Variants in ERI1 observed in about 807,000 individuals in gnomAD.
ERI1 encodes exoribonuclease 1.
A neutral mutation model predicts 39.7 loss-of-function variants in ERI1; 39 were observed. The ratio of observed to expected loss-of-function variants is 0.98; its 90% CI spans 0.76 to 1.28. The LOEUF (loss-of-function observed/expected upper bound fraction) is 1.28, where lower values mean the gene tolerates loss of function less well. ERI1 is among the 50% of genes most tolerant of loss of function. The probability of loss-of-function intolerance (pLI) is 0.00; values close to 1 mark genes in which losing one functional copy is unlikely to be tolerated. For synonymous variants in ERI1, 204 were observed against 149.6 expected (o/e 1.36, Z -2.65); for missense variants, 581 against 416.9 (o/e 1.39, Z -3.43).
intron 3 of ERI1, among the ~76,000 whole-genome samples, chr8:9,059,717 T>A (rs1488281169): frequency 6.6e-6 from 1 of 152,184 alleles, no homozygotes; most frequent in African/African-American, 2.4e-5. Context: ...ATTTATTTAC[T>A]TTAAGAGTTA....
At chr8:9,083,479 C>T (rs778689634) in intron 3 of ERI1, among the ~76,000 whole-genome samples, 2 of 152,078 alleles carry the variant, frequency 1.3e-5, no homozygotes, top group Non-Finnish European at 2.9e-5. Flanking sequence ...AAAATTTAAA[C>T]ATATACCAAA....
chr8:9,076,313 C>T (rs748459611), intron 3 of ERI1, among the ~76,000 whole-genome samples: 7 of 152,092 alleles, frequency 4.6e-5, no homozygotes, highest in African/African-American at 1.2e-4. Flanking sequence ...CCTAAAACTA[C>T]GGTACAGAAG....
Position 9,020,480 on chromosome 8 carries a change from T to G in ERI1, c.807+16T>G, listed in dbSNP as rs1452794164. ...TTTTTACAAGGTAAAATTTCTATAT[T>G]TAATAATTACGTGGTTCTTAATGAT... On this transcript the variant is annotated intron_variant, in intron 6 of 6. Transcript: ENST00000250263. 4 of 1,447,826 alleles carry G rather than the reference T, an allele frequency of 2.8e-6. No individual in the cohort carries two copies. The Middle Eastern group carries it at 5.3e-4, about 192-fold the overall frequency. The allele number at this position is 1,447,826 out of a possible 1,614,324, so 89.7% of individuals were successfully genotyped here.
chr8:9,033,716 T>C (rs148288663), downstream of ERI1, among the ~76,000 whole-genome samples: 598 of 152,256 alleles, frequency 3.9e-3, 3 homozygotes, highest in African/African-American at 0.013. Flanking sequence ...GTTGCCAAAG[T>C]TTAAGTAGTG....
intron 3 of ERI1, among the ~76,000 whole-genome samples, chr8:9,098,814 A>AAT (rs1438568312): frequency 6.6e-6 from 1 of 152,208 alleles, no homozygotes; most frequent in East Asian, 1.9e-4. Context: ...ACATATTTCA[A>AAT]ATATACAATT....
chr8:9,074,402 G>A (rs1799144184), intron 3 of ERI1, among the ~76,000 whole-genome samples: 1 of 151,880 alleles, frequency 6.6e-6, no homozygotes, highest in African/African-American at 2.4e-5. Context: ...TGGGATTACA[G>A]GCATGAACCA....
intron 3 of ERI1, among the ~76,000 whole-genome samples, chr8:9,063,904 A>C (rs956167622): frequency 5.9e-5 from 9 of 151,944 alleles, no homozygotes; most frequent in Non-Finnish European, 1.2e-4. Context: ...AGGCTAAGGG[A>C]GAAGAAGGGG....
At chr8:9,045,271 G>A (rs138888698) in intron 3 of ERI1, among the ~76,000 whole-genome samples, 142 of 147,554 alleles carry the variant, frequency 9.6e-4, no homozygotes, top group African/African-American at 3.0e-3. Context: ...GTAATATTAC[G>A]TTCAGCCCTA....
chr8:9,059,879 C>A (rs1798634802), intron 3 of ERI1, among the ~76,000 whole-genome samples: 2 of 152,088 alleles, frequency 1.3e-5, no homozygotes, highest in Admixed American at 1.3e-4. Flanking sequence ...GTAGGGATGA[C>A]AAGTTTTCTG....
chr8:9,081,922 A>T (rs1799385521), intron 3 of ERI1, among the ~76,000 whole-genome samples: 1 of 152,114 alleles, frequency 6.6e-6, no homozygotes, highest in African/African-American at 2.4e-5. Flanking sequence ...AAGACCAAAT[A>T]AACCCATTAA....
At chr8:9,076,195 C>T (rs549319223) in intron 3 of ERI1, among the ~76,000 whole-genome samples, 2 of 152,260 alleles carry the variant, frequency 1.3e-5, no homozygotes, top group South Asian at 4.1e-4. Context: ...CCTCCTACCT[C>T]GGCCTCCCAA....
intron 3 of ERI1, among the ~76,000 whole-genome samples, chr8:9,078,449 C>T (rs935975990): frequency 6.6e-6 from 1 of 152,048 alleles, no homozygotes; most frequent in African/African-American, 2.4e-5. Context: ...TTAACCATAA[C>T]CATAGAGCTA....
chr8:9,071,895 G>A (rs1398488177), intron 3 of ERI1, among the ~76,000 whole-genome samples: 2 of 152,160 alleles, frequency 1.3e-5, no homozygotes, highest in Non-Finnish European at 2.9e-5. Context: ...GTGAGACCTC[G>A]TCTCTACAAA....
intron 3 of ERI1, among the ~76,000 whole-genome samples, chr8:9,047,610 G>A (rs1798214928): frequency 6.6e-6 from 1 of 152,054 alleles, no homozygotes. Context: ...GAGGTGGGAG[G>A]ATGGCTTGAG....
At chr8:9,011,481 G>C (rs1816660788) in intron 2 of ERI1, 61 bp from the exon 3 acceptor site, 1 of 1,139,420 alleles carries the variant, frequency 8.8e-7, no homozygotes, top group East Asian at 2.4e-5. Flanking sequence ...CAGCAGGTGA[G>C]AGTTTTGATT....
downstream of ERI1, among the ~76,000 whole-genome samples, chr8:9,034,172 TG>T (rs1343247309): frequency 6.6e-6 from 1 of 152,222 alleles, no homozygotes; most frequent in African/African-American, 2.4e-5. Context: ...TACCAAGACT[TG>T]GGTAAGGGGC....
At chr8:9,096,229 C>G (rs1273681373) in intron 3 of ERI1, among the ~76,000 whole-genome samples, 1 of 152,166 alleles carries the variant, frequency 6.6e-6, no homozygotes, top group African/African-American at 2.4e-5. Flanking sequence ...GCTTTGCTTC[C>G]TCTCTTCTCC....
chr8:9,048,926 G>A (rs1386997155), intron 3 of ERI1, among the ~76,000 whole-genome samples: 2 of 152,040 alleles, frequency 1.3e-5, no homozygotes, highest in South Asian at 2.1e-4. Context: ...GATTACAGGC[G>A]TGAGCCACCG....
At chr8:9,034,021 G>A (rs1433352740), downstream of ERI1, among the ~76,000 whole-genome samples, 1 of 152,244 alleles carries the variant, frequency 6.6e-6, no homozygotes, top group Admixed American at 6.5e-5. Context: ...AAGTGGAGAA[G>A]GAGAACGATT....
Sources: allele counts gnomAD v4.1 joint callset (sites outside exome capture counted in the v4.1 genomes callset), GRCh38; gene constraint gnomAD v4.1.1; transcripts MANE v1.5; gene names NCBI Gene and HGNC (gene_info 2026-07-23, HGNC 2026-07-21).